CCDC171: variants seen among roughly 807,000 people sequenced by gnomAD.
CCDC171 encodes coiled-coil domain containing 171, also known as coiled-coil domain-containing protein 171.
In CCDC171, 177 loss-of-function variants were observed where a neutral mutation model predicts 168.2. The ratio of observed to expected loss-of-function variants is 1.05; its 90% CI spans 0.93 to 1.19. The LOEUF is 1.19. Ranked by LOEUF, CCDC171 falls within the 50% of genes most tolerant of loss-of-function variation. The pLI is 0.00. For missense variants in CCDC171, 1,991 were observed against 1,539.0 expected (o/e 1.29, Z -4.91); for synonymous variants, 687 against 540.8 (o/e 1.27, Z -3.75).
At chr9:15,623,471 GCGCGCACACACAC>G in intron 7 of CCDC171, 58 bp downstream of exon 7, 1 of 505,242 alleles carries the variant, frequency 2.0e-6, no homozygotes, top group Non-Finnish European at 3.3e-6. Flanking sequence ...ATATGCGCGC[GCGCGCACACACAC>G]ACACACACAC....
intron 21 of CCDC171, among the ~76,000 whole-genome samples, chr9:15,786,590 C>G (rs2057968714): frequency 6.6e-6 from 1 of 152,128 alleles, no homozygotes; most frequent in Non-Finnish European, 1.5e-5. Flanking sequence ...TGGTATCTGT[C>G]AGGCCTCTGA....
chr9:15,778,643 CAAA>C (rs527592822), intron 19 of CCDC171, among the ~76,000 whole-genome samples: 7 of 58,770 alleles, frequency 1.2e-4, no homozygotes, highest in East Asian at 7.2e-4. Flanking sequence ...AAGACTGTCT[CAAA>C]AAAAAAAAAA....
chr9:16,070,764 C>G, the CCDC171 span, among the ~76,000 whole-genome samples: 1 of 152,212 alleles, frequency 6.6e-6, no homozygotes. Flanking sequence ...CACCTCCACC[C>G]TCGGCTTCTT....
Position 15,591,534 on chromosome 9 carries a change from G to A in CCDC171, c.521G>A (p.Ser174Asn). ...REYDLLMKEK[S>N]RLEKTLQEAL... ...TATGATTTACTTATGAAAGAAAAAA[G>A]CAGACTAGAGAAAACTCTACAGGTA... is the stretch of plus-strand genomic sequence containing the variant. The change falls in exon 5 of 26, where the codon AGC becomes AAC. Residue 174 changes from serine to asparagine, a missense_variant. Coordinates refer to ENST00000380701, the MANE Select transcript of CCDC171 (RefSeq NM_173550.4). 1.9e-6 allele frequency: 3 copies of A among 1,575,448 alleles called. No homozygotes were observed. The highest frequency in any genetic ancestry group is 2.6e-6 in the Non-Finnish European group (3 of 1,162,170).
At chr9:15,901,200 G>A (rs1821599779) in intron 24 of CCDC171, among the ~76,000 whole-genome samples, 1 of 152,118 alleles carries the variant, frequency 6.6e-6, no homozygotes, top group Non-Finnish European at 1.5e-5. Context: ...AGGGGAGCGA[G>A]GGATGAATCT....
At chr9:15,951,937 C>G (rs1402207255) in intron 25 of CCDC171, among the ~76,000 whole-genome samples, 3 of 152,030 alleles carry the variant, frequency 2.0e-5, no homozygotes, top group Non-Finnish European at 4.4e-5. Context: ...CAAATCTTTG[C>G]CAAATCCAGG....
At chr9:15,772,539 T>C (rs999750240) in intron 18 of CCDC171, among the ~76,000 whole-genome samples, 2 of 152,324 alleles carry the variant, frequency 1.3e-5, no homozygotes, top group African/African-American at 4.8e-5. Flanking sequence ...TGCTTTAAGA[T>C]TGTGATATAT....
intron 11 of CCDC171, among the ~76,000 whole-genome samples, chr9:15,696,773 T>C (rs1349809845): frequency 1.3e-5 from 2 of 152,238 alleles, no homozygotes; most frequent in South Asian, 2.1e-4. Context: ...TCAGAAGTTA[T>C]TACTAAGCCT....
chr9:15,826,605 C>A (rs9407649), intron 21 of CCDC171, among the ~76,000 whole-genome samples: 1 of 151,926 alleles, frequency 6.6e-6, no homozygotes, highest in Admixed American at 6.6e-5. Context: ...TGGGTCACAT[C>A]GTGAACTAGG....
chr9:15,859,863 C>G (rs2061489803), intron 23 of CCDC171, among the ~76,000 whole-genome samples: 1 of 151,726 alleles, frequency 6.6e-6, no homozygotes, highest in African/African-American at 2.4e-5. Context: ...GAGACAGCAT[C>G]TCACTATGTT....
chr9:15,968,701 A>G (rs999890362), intron 25 of CCDC171, among the ~76,000 whole-genome samples: 10 of 151,874 alleles, frequency 6.6e-5, no homozygotes, highest in South Asian at 4.2e-4. Flanking sequence ...CGCCCGCCCA[A>G]CTGATTTTTA....
chr9:15,693,124 G>A (rs1214420971), intron 10 of CCDC171, among the ~76,000 whole-genome samples: 2 of 152,004 alleles, frequency 1.3e-5, no homozygotes, highest in South Asian at 4.2e-4. Context: ...ATGACAGAGC[G>A]AGACTCTGTC....
chr9:15,671,901 A>G (rs2049143011), intron 9 of CCDC171, among the ~76,000 whole-genome samples: 1 of 152,160 alleles, frequency 6.6e-6, no homozygotes, highest in Non-Finnish European at 1.5e-5. Flanking sequence ...TGGTATTTCT[A>G]GTTCTAGATC....
chr9:16,014,339 C>A (rs1437616124), intron 3 of CCDC171, among the ~76,000 whole-genome samples: 1 of 152,100 alleles, frequency 6.6e-6, no homozygotes, highest in East Asian at 1.9e-4. Context: ...AATTTTAGTT[C>A]TTTTGCTATT....
At chr9:15,587,694 G>T (rs191749178) in intron 4 of CCDC171, 10 of 456,550 alleles carry the variant, frequency 2.2e-5, no homozygotes, top group Non-Finnish European at 3.1e-5. Flanking sequence ...ATTCTAGGTG[G>T]TGGGTATATT....
At chr9:15,878,357 C>A (rs895676904) in intron 24 of CCDC171, among the ~76,000 whole-genome samples, 2 of 151,404 alleles carry the variant, frequency 1.3e-5, no homozygotes, top group African/African-American at 4.9e-5. Flanking sequence ...CACAAGTTAA[C>A]AGGAGTATGA....
At chr9:15,593,481 C>T (rs2042136866) in intron 5 of CCDC171, among the ~76,000 whole-genome samples, 1 of 151,930 alleles carries the variant, frequency 6.6e-6, no homozygotes, top group Non-Finnish European at 1.5e-5. Flanking sequence ...TTTTGCTTTT[C>T]AAATTTTTAA....
At chr9:15,604,389 C>T (rs953031978) in intron 6 of CCDC171, among the ~76,000 whole-genome samples, 3 of 152,100 alleles carry the variant, frequency 2.0e-5, no homozygotes, top group Non-Finnish European at 4.4e-5. Flanking sequence ...CTATCATGCC[C>T]CTCCTTTGTT....
At chr9:15,645,354 G>A (rs2046957407) in intron 7 of CCDC171, among the ~76,000 whole-genome samples, 1 of 152,134 alleles carries the variant, frequency 6.6e-6, no homozygotes, top group African/African-American at 2.4e-5. Flanking sequence ...AAGGAACTCA[G>A]CTCCTCCCCA....
Sources: allele counts gnomAD v4.1 joint callset (sites outside exome capture counted in the v4.1 genomes callset), GRCh38; gene constraint gnomAD v4.1.1; transcripts MANE v1.5; gene names NCBI Gene and HGNC (gene_info 2026-07-23, HGNC 2026-07-21).